The following ZDHHC2 variants were observed in gnomAD, a reference collection of about 807,000 sequenced individuals.
ZDHHC2 encodes zDHHC palmitoyltransferase 2.
A neutral mutation model predicts 55.6 loss-of-function variants in ZDHHC2; 51 were observed. The observed-to-expected ratio is 0.92, with a 90% CI of 0.73 to 1.16. The LOEUF (loss-of-function observed/expected upper bound fraction) is 1.16, where lower values mean the gene tolerates loss of function less well. Ranked by LOEUF, ZDHHC2 falls within the 50% of genes most tolerant of loss-of-function variation. ZDHHC2 has a pLI of 0.00. For missense variants in ZDHHC2, 491 were observed against 442.4 expected (o/e 1.11, Z -0.99); for synonymous variants, 199 against 152.9 (o/e 1.30, Z -2.22).
Position 17,186,406 on chromosome 8 carries a change from C to T in ZDHHC2, c.233C>T (p.Pro78Leu), listed in dbSNP as rs1157257869. ...TACTGGAAAACTATCTTTACATTAC[C>T]AATGAATCCTTCAAAAGAAGTAAGT... is the stretch of plus-strand genomic sequence containing the variant. The part of the protein sequence containing the change: ...WSYWKTIFTL[P>L]MNPSKEFHLS... The change falls in exon 3 of 13, where the codon CCA (proline) becomes CTA (leucine). Residue 78 changes from proline to leucine, a missense_variant. By Grantham distance (98) the Pro-to-Leu change is moderately conservative (BLOSUM62 -3). Coordinates refer to ENST00000262096, the MANE Select transcript of ZDHHC2 (RefSeq NM_016353.5). 6.4e-7 allele frequency: 1 copy of T among 1,557,252 alleles called. No homozygotes were observed. Among genetic ancestry groups the T allele is most frequent in the Admixed American group, 2.1e-5 (1 of 48,094 alleles).
chr8:17,176,021 C>G (rs770966551), intron 1 of ZDHHC2, among the ~76,000 whole-genome samples: 2 of 152,106 alleles, frequency 1.3e-5, no homozygotes, highest in Non-Finnish European at 2.9e-5. Context: ...AGAGGAAGAG[C>G]CAGATCATGC....
At chr8:17,165,321 A>T (rs374709659) in intron 1 of ZDHHC2, among the ~76,000 whole-genome samples, 2 of 152,232 alleles carry the variant, frequency 1.3e-5, no homozygotes, top group East Asian at 3.8e-4. Flanking sequence ...ATGACTAGTG[A>T]TTAGCCAGGG....
chr8:17,206,346 T>A (rs1287523451), intron 7 of ZDHHC2, among the ~76,000 whole-genome samples: 1 of 152,130 alleles, frequency 6.6e-6, no homozygotes, highest in Non-Finnish European at 1.5e-5. Context: ...TAAGGTGCGT[T>A]TAAGTAGAAA....
chr8:17,167,436 G>T (rs962684324), intron 1 of ZDHHC2, among the ~76,000 whole-genome samples: 7 of 151,114 alleles, frequency 4.6e-5, no homozygotes, highest in Non-Finnish European at 1.0e-4. Context: ...CTCTCGAGTA[G>T]CTGGGATTAC....
At chr8:17,208,180 G>A in intron 8 of ZDHHC2, 88 bp downstream of exon 8, 2 of 1,325,784 alleles carry the variant, frequency 1.5e-6, no homozygotes, top group Non-Finnish European at 2.0e-6. Context: ...ATGCCAACTT[G>A]CCCTGAAGTG....
In ZDHHC2 at chr8:17,222,799, A is replaced by G. The variant is rs1807977481; in HGVS notation, c.*2578A>G. ...ACAATGTAAATTATTTTAAGCATAA[A>G]TTTTCCTAATAGTTTATTAGAGCTA... On this transcript the variant is annotated 3_prime_UTR_variant, in exon 13 of 13. Coordinates refer to ENST00000262096, the MANE Select transcript of ZDHHC2 (RefSeq NM_016353.5). The G allele has an allele frequency of 6.6e-6, 1 of 151,898 alleles. No homozygotes were observed. Among genetic ancestry groups the G allele is most frequent in the African/African-American group, 2.4e-5 (1 of 41,424 alleles). 9.4% of individuals were successfully genotyped at this position (151,898 alleles called of 1,614,324 possible). A position where few individuals can be genotyped will look rare whatever the true frequency, so the allele number is the denominator to read the frequency against.
chr8:17,213,555 A>AT (rs1406891951), intron 10 of ZDHHC2, among the ~76,000 whole-genome samples: 1 of 151,972 alleles, frequency 6.6e-6, no homozygotes, highest in Non-Finnish European at 1.5e-5. Flanking sequence ...GCCCAGCCTG[A>AT]TTTTTTTGAT....
chr8:17,166,958 C>A (rs1022896745), intron 1 of ZDHHC2, among the ~76,000 whole-genome samples: 1 of 152,068 alleles, frequency 6.6e-6, no homozygotes, highest in African/African-American at 2.4e-5. Context: ...TAATTCAATC[C>A]AAGTTAAAAA....
At chr8:17,186,174 G>A (rs1012180426) in intron 2 of ZDHHC2, among the ~76,000 whole-genome samples, 157 bp from the exon 3 acceptor site, 7 of 152,148 alleles carry the variant, frequency 4.6e-5, no homozygotes, top group East Asian at 1.9e-4. Context: ...AAATAAATTC[G>A]TTGAGTTGTG....
intron 1 of ZDHHC2, among the ~76,000 whole-genome samples, chr8:17,160,026 A>T (rs551520210): frequency 1.4e-4 from 21 of 152,174 alleles, no homozygotes; most frequent in African/African-American, 5.1e-4. Context: ...AGGATGCACT[A>T]TGAGAGGGAA....
At chr8:17,201,500 T>TAGATGGGGTC in intron 6 of ZDHHC2, among the ~76,000 whole-genome samples, 1 of 130,796 alleles carries the variant, frequency 7.6e-6, no homozygotes, top group African/African-American at 2.9e-5. Flanking sequence ...TTTTTTTTTT[T>TAGATGGGGTC]TTTTTTTTTT....
At chr8:17,211,190 GTTTGAAAC>G (rs1807368753) in intron 10 of ZDHHC2, among the ~76,000 whole-genome samples, 1 of 152,174 alleles carries the variant, frequency 6.6e-6, no homozygotes, top group Non-Finnish European at 1.5e-5. Flanking sequence ...ATTTTCAGTG[GTTTGAAAC>G]ACCAGTTTTT....
At chr8:17,178,070 T>A (rs1190166085) in intron 1 of ZDHHC2, among the ~76,000 whole-genome samples, 2 of 152,342 alleles carry the variant, frequency 1.3e-5, no homozygotes, top group East Asian at 1.9e-4. Flanking sequence ...ATTTTTTGTC[T>A]ATTATGAAGG....
intron 1 of ZDHHC2, among the ~76,000 whole-genome samples, chr8:17,184,166 C>T (rs1213295811): frequency 6.7e-6 from 1 of 149,566 alleles, no homozygotes; most frequent in Non-Finnish European, 1.5e-5. Context: ...CTTGCCGCAG[C>T]TTGCTTTAGT....
intron 1 of ZDHHC2, 101 bp from the exon 2 acceptor site, chr8:17,184,688 A>T (rs1387452356): frequency 5.3e-6 from 5 of 950,990 alleles, no homozygotes; most frequent in Non-Finnish European, 7.9e-6. Context: ...GTTGGTTTGA[A>T]GGGAAGCCAC....
At chr8:17,210,345 G>A in intron 9 of ZDHHC2, 43 bp from the exon 10 acceptor site, 1 of 1,579,596 alleles carries the variant, frequency 6.3e-7, no homozygotes, top group East Asian at 2.2e-5. Context: ...TCACTCCGTT[G>A]TCTTTTGTAT....
At chr8:17,205,392 T>C (rs550285209) in intron 6 of ZDHHC2, among the ~76,000 whole-genome samples, 1 of 152,372 alleles carries the variant, frequency 6.6e-6, no homozygotes, top group South Asian at 2.1e-4. Context: ...GGGATGTGCA[T>C]ACTTGCGTAA....
At chr8:17,203,037 T>C (rs545759578) in intron 6 of ZDHHC2, among the ~76,000 whole-genome samples, 1 of 151,340 alleles carries the variant, frequency 6.6e-6, no homozygotes, top group Admixed American at 6.6e-5. Flanking sequence ...CCACAAGTCA[T>C]TATTTACACC....
chr8:17,198,700 A>G (rs1202244174), intron 6 of ZDHHC2, among the ~76,000 whole-genome samples: 1 of 152,250 alleles, frequency 6.6e-6, no homozygotes, highest in Non-Finnish European at 1.5e-5. Flanking sequence ...CAGAGATTCC[A>G]GAATACTTCA....
Sources: gnomAD v4.1 joint callset for allele counts (sites outside exome capture counted in the v4.1 genomes callset) on GRCh38, gnomAD v4.1.1 for gene constraint, MANE v1.5 for transcripts, NCBI Gene and HGNC (gene_info 2026-07-23, HGNC 2026-07-21) for gene names.